The following CPLANE1 variants were observed in gnomAD, a reference collection of about 807,000 sequenced individuals.
The protein encoded by CPLANE1 is ciliogenesis and planar polarity effector complex subunit 1.
CPLANE1 carries 263 observed loss-of-function variants against 362.5 expected under a neutral mutation model. The ratio of observed to expected loss-of-function variants is 0.73; its 90% confidence interval spans 0.66 to 0.80. The LOEUF is 0.80. Ranked by LOEUF, CPLANE1 falls within the 30% of genes least tolerant of loss-of-function variation. The probability of loss-of-function intolerance (pLI) is 0.00; values close to 1 mark genes in which losing one functional copy is unlikely to be tolerated. For missense variants in CPLANE1, 3,461 were observed against 3,793.4 expected, an observed-to-expected ratio of 0.91 and a Z score of 2.30; for synonymous variants, 1,212 against 1,302.6, an observed-to-expected ratio of 0.93 and a Z score of 1.50.
At chr5:37,190,948 T>A (rs1294314180) in intron 21 of CPLANE1, among the ~76,000 whole-genome samples, 1 of 152,226 alleles carries the variant, frequency 6.6e-6, no homozygotes, top group Non-Finnish European at 1.5e-5. Context: ...TATACTATGC[T>A]TTTTATCGTT....
intron 43 of CPLANE1, 131 bp from the exon 44 acceptor site, chr5:37,142,611 T>TGTGTATAA (rs1770124711): frequency 1.9e-6 from 1 of 539,678 alleles, no homozygotes; most frequent in Non-Finnish European, 3.1e-6. Flanking sequence ...TGCTAATAGC[T>TGTGTATAA]TTCTACTGTA....
In CPLANE1 at chr5:37,108,401, G is replaced by A. The variant is rs770592302; in HGVS notation, c.9471C>T (p.Thr3157=). The part of the protein sequence containing the change: ...KHGSAGLAPQ[T]KQVCVEYERE... ...TTTCATACTCTACACACACCTGCTT[G>A]GTTTGAGGTGCAAGCCCAGCACTTC... Residue 3157 remains threonine, a synonymous_variant, in exon 52 of 53, where the codon ACC becomes ACT. Coordinates refer to ENST00000651892, the MANE Select transcript of CPLANE1 (RefSeq NM_001384732.1). 2.1e-5 allele frequency: 34 copies of A among 1,614,022 alleles called. No individual in the cohort carries two copies. Among genetic ancestry groups the A allele is most frequent in the Non-Finnish European group, 2.3e-5 (27 of 1,180,028 alleles).
At chr5:37,152,395 A>C (rs78888706) in intron 42 of CPLANE1, among the ~76,000 whole-genome samples, 1 of 152,040 alleles carries the variant, frequency 6.6e-6, no homozygotes, top group Non-Finnish European at 1.5e-5. Context: ...GCTGATCTCA[A>C]ACTCCTGGCC....
chr5:37,245,399 G>A (rs539131327), intron 4 of CPLANE1, 80 bp downstream of exon 4: 2 of 1,136,590 alleles, frequency 1.8e-6, no homozygotes, highest in East Asian at 7.1e-5. Context: ...ACATTTTCAA[G>A]ACAGTAACAG....
intron 45 of CPLANE1, 130 bp downstream of exon 45, chr5:37,139,210 A>G: frequency 2.3e-6 from 2 of 870,808 alleles, no homozygotes; most frequent in Non-Finnish European, 3.3e-6. Flanking sequence ...TTCCATACCC[A>G]ATGAAAACTT....
chr5:37,215,026 C>T (rs960786230), intron 15 of CPLANE1, among the ~76,000 whole-genome samples: 3 of 152,124 alleles, frequency 2.0e-5, no homozygotes, highest in African/African-American at 7.2e-5. Context: ...CAGTACAATA[C>T]TGGAAATGTA....
chr5:37,232,684 C>CA (rs989422468), intron 8 of CPLANE1, among the ~76,000 whole-genome samples: 2 of 149,214 alleles, frequency 1.3e-5, no homozygotes, highest in Admixed American at 6.7e-5. Context: ...CAAAAAAAAA[C>CA]AAAAAAACAG....
Position 37,107,536 on chromosome 5 carries a change from T to A in CPLANE1, c.*66A>T, listed in dbSNP as rs536202844. 1.3e-5 allele frequency: 18 copies of A among 1,428,880 alleles called. No homozygotes were observed. In the South Asian group the frequency reaches 3.0e-4, roughly 24 times the overall value. 88.5% of individuals were successfully genotyped at this position (1,428,880 alleles called of 1,614,324 possible). Reference sequence around the variant, plus strand: ...TCATTGCTTCTGTCCCTTAAACCTGTTAATCTTTCAGAACCACATTACTGA... The same window carrying A: ...TCATTGCTTCTGTCCCTTAAACCTGATAATCTTTCAGAACCACATTACTGA... On this transcript the variant is annotated 3_prime_UTR_variant, in exon 53 of 53. Transcript: ENST00000651892.
At chr5:37,207,916 T>G (rs895039981) in intron 16 of CPLANE1, among the ~76,000 whole-genome samples, 1 of 152,120 alleles carries the variant, frequency 6.6e-6, no homozygotes, top group Non-Finnish European at 1.5e-5. Context: ...AGTTTTTTTT[T>G]GTTTGCTTTG....
At chr5:37,132,179 A>G (rs1053129438) in intron 46 of CPLANE1, among the ~76,000 whole-genome samples, 4 of 152,066 alleles carry the variant, frequency 2.6e-5, no homozygotes, top group African/African-American at 9.7e-5. Context: ...TTTTTGTACA[A>G]TATTTTCTGG....
Position 37,125,376 on chromosome 5 carries a change from T to G in CPLANE1, c.8826A>C (p.Arg2942Ser), listed in dbSNP as rs1227285224. Residue 2942 changes from arginine to serine, a missense_variant, in exon 47 of 53, where the codon AGA (arginine) becomes AGC (serine). Coordinates refer to ENST00000651892, the MANE Select transcript of CPLANE1 (RefSeq NM_001384732.1). ...IQHYSGRHSQ[R>S]TDKERREIQA... ...GAATCTCTCTTCTTTCCTTGTCAGT[T>G]CTTTGTGAATGTCTGCCAGAATAAT... 1.9e-6 allele frequency: 3 copies of G among 1,613,380 alleles called. No homozygotes were observed. Among genetic ancestry groups the G allele is most frequent in the African/African-American group, 1.3e-5 (1 of 74,892 alleles).
Position 37,153,831 on chromosome 5 carries a change from A to C in CPLANE1, c.8282T>G (p.Ile2761Ser), listed in dbSNP as rs764690794. The change falls in exon 42 of 53, where the codon ATT (isoleucine) becomes AGT (serine). Residue 2761 changes from isoleucine (I) to serine (S), a missense_variant. Ile to Ser is a moderately radical substitution (Grantham distance 142, BLOSUM62 -2). Coordinates refer to ENST00000651892, the MANE Select transcript of CPLANE1 (RefSeq NM_001384732.1). Reference protein sequence around the residue: ...LEHLSAKLQKIDEQLLAIQNI... With the variant: ...LEHLSAKLQKSDEQLLAIQNI... ...CTGTATTGCTAGCAACTGCTCGTCA[A>C]TTTTCTGAAGCTTAGCACTGAGATG... 2.0e-5 allele frequency: 33 copies of C among 1,613,964 alleles called. No homozygotes were observed. Among genetic ancestry groups the C allele is most frequent in the Non-Finnish European group, 2.7e-5 (32 of 1,180,028 alleles).
At chr5:37,150,548 T>C (rs1300836309) in intron 42 of CPLANE1, among the ~76,000 whole-genome samples, 1 of 151,744 alleles carries the variant, frequency 6.6e-6, no homozygotes, top group East Asian at 1.9e-4. Context: ...ACACAACTCC[T>C]CCTCTTCCTT....
chr5:37,138,462 T>C (rs1768518439), intron 46 of CPLANE1: 1 of 573,514 alleles, frequency 1.7e-6, no homozygotes, highest in Non-Finnish European at 3.3e-6. Flanking sequence ...AATCATTAAT[T>C]ACTTCTAGTA....
At chr5:37,094,649 GT>G in the CPLANE1 span, among the ~76,000 whole-genome samples, 1 of 152,034 alleles carries the variant, frequency 6.6e-6, no homozygotes, top group Non-Finnish European at 1.5e-5. Flanking sequence ...CAAAAACCTG[GT>G]TCATTGAAAA....
intron 29 of CPLANE1, among the ~76,000 whole-genome samples, chr5:37,178,441 AT>A (rs1277383495): frequency 1.3e-5 from 2 of 151,744 alleles, no homozygotes; most frequent in African/African-American, 2.4e-5. Context: ...CTACAAAAAA[AT>A]GTTTTTTTTT....
intron 32 of CPLANE1, among the ~76,000 whole-genome samples, chr5:37,171,401 T>C (rs562242526): frequency 6.6e-6 from 1 of 152,276 alleles, no homozygotes; most frequent in South Asian, 2.1e-4. Context: ...AGGTCTAGGA[T>C]AGGGATCTGA....
At chr5:37,223,714 C>T (rs542484339) in intron 14 of CPLANE1, among the ~76,000 whole-genome samples, 2 of 152,286 alleles carry the variant, frequency 1.3e-5, no homozygotes, top group East Asian at 1.9e-4. Context: ...TGCAATGATA[C>T]GTTTAACTTA....
At position 37,206,241 on chromosome 5, in the gene CPLANE1, A is replaced by G. The variant is rs1006248088; in HGVS notation, c.3105T>C (p.Gly1035=). 1.9e-6 allele frequency: 3 copies of G among 1,551,782 alleles called. No homozygotes were observed. In the Admixed American group the frequency reaches 5.9e-5, roughly 30 times the overall value. ...LGDWKTSVSI[G]VAFQLFCKRD... ...GTTTACAGAACAGCTGGAAAGCCAC[A>G]CCAATTGAAACAGACGTCTTCCAGT... The change falls in exon 17 of 53, where the codon GGT becomes GGC. Residue 1035 remains glycine, a synonymous_variant. Transcript: ENST00000651892.
Sources: allele counts gnomAD v4.1 joint callset (sites outside exome capture counted in the v4.1 genomes callset), GRCh38; gene constraint gnomAD v4.1.1; transcripts MANE v1.5; gene names NCBI Gene and HGNC (gene_info 2026-07-23, HGNC 2026-07-21).